HIVEP3: variants seen among roughly 807,000 people sequenced by gnomAD.
HIVEP3 encodes HIVEP zinc finger 3.
HIVEP3 carries 49 observed loss-of-function variants against 152.8 expected under a neutral mutation model. That is an observed-to-expected ratio of 0.32 (90% confidence interval 0.26 to 0.41). HIVEP3 has a LOEUF of 0.41. HIVEP3 is among the 10% of genes least tolerant of loss of function. The probability of loss-of-function intolerance (pLI) is 1.00; values close to 1 mark genes in which losing one functional copy is unlikely to be tolerated. For missense variants in HIVEP3, 2,790 were observed against 3,103.3 expected (o/e 0.90, Z 2.40); for synonymous variants, 1,269 against 1,289.0 (o/e 0.98, Z 0.33).
At chr1:41,946,987 T>C (rs887704365) in intron 1 of HIVEP3, among the ~76,000 whole-genome samples, 3 of 152,180 alleles carry the variant, frequency 2.0e-5, no homozygotes, top group Non-Finnish European at 2.9e-5. Flanking sequence ...CTAACCCTTA[T>C]ACTGTGCTTT....
intron 1 of HIVEP3, among the ~76,000 whole-genome samples, chr1:41,725,237 GGACATGCA>G (rs1646735272): frequency 6.6e-6 from 1 of 152,148 alleles, no homozygotes; most frequent in Non-Finnish European, 1.5e-5. Flanking sequence ...GAACGCTTCG[GGACATGCA>G]GACATGCAGC....
chr1:41,753,018 GAC>G (rs2124227589), intron 1 of HIVEP3, among the ~76,000 whole-genome samples: 1 of 152,322 alleles, frequency 6.6e-6, no homozygotes, highest in South Asian at 2.1e-4. Context: ...ACCACAGAAA[GAC>G]TGTCTCTGAG....
chr1:42,020,067 T>C (rs557756776), intron 1 of HIVEP3, among the ~76,000 whole-genome samples: 5 of 152,088 alleles, frequency 3.3e-5, no homozygotes, highest in Non-Finnish European at 7.4e-5. Flanking sequence ...TTGGTTATAA[T>C]GTATTATCTT....
intron 1 of HIVEP3, among the ~76,000 whole-genome samples, chr1:41,869,936 A>G (rs35183813): frequency 0.051 from 7,713 of 152,264 alleles, 246 homozygotes; most frequent in Middle Eastern, 0.12. Flanking sequence ...ATAAAAATAT[A>G]AATTATTAAG....
intron 1 of HIVEP3, among the ~76,000 whole-genome samples, chr1:41,981,811 G>C (rs1645295647): frequency 1.3e-5 from 2 of 152,202 alleles, no homozygotes; most frequent in African/African-American, 4.8e-5. Context: ...GGGAAAATGT[G>C]AAAGACAATA....
intron 1 of HIVEP3, among the ~76,000 whole-genome samples, chr1:41,763,518 AGCACC>A (rs2124250338): frequency 6.6e-6 from 1 of 152,332 alleles, no homozygotes; most frequent in East Asian, 1.9e-4. Flanking sequence ...CTACAGCCTA[AGCACC>A]GTTCATTCAC....
intron 2 of HIVEP3, among the ~76,000 whole-genome samples, chr1:41,660,471 T>C (rs1021764585): frequency 7.9e-5 from 12 of 152,250 alleles, no homozygotes; most frequent in Non-Finnish European, 1.6e-4. Context: ...TGGGGAGTCA[T>C]GTTGCGGTCC....
chr1:41,533,307 C>T lies in HIVEP3; in HGVS notation c.5208-8397G>A, dbSNP rs1165787794. ...CTCCTCCTGCGGTGCCAGAGCCCAC[C>T]CCACCCACTGTCCTCTCCCACAGCT... On this transcript the variant is annotated intron_variant, in intron 5 of 8. Transcript: ENST00000372583. The surrounding 1 kb of genome is among the most constrained non-coding windows in gnomAD (Gnocchi z 4.3). Among the ~76,000 whole-genome samples, 1 of 152,104 alleles carries T rather than the reference C, an allele frequency of 6.6e-6. No individual in the cohort carries two copies. The highest frequency in any genetic ancestry group is 2.4e-5 in the African/African-American group (1 of 41,410).
chr1:41,582,952 T>G lies in HIVEP3; in HGVS notation c.1846A>C (p.Lys616Gln). ...TTGGGTTCCACTTCGTCCGAGGGCTTGGAGGCTGTGTCTTTGCTGCTTGGG... is the reference window on the plus strand; with the variant it reads ...TTGGGTTCCACTTCGTCCGAGGGCTGGGAGGCTGTGTCTTTGCTGCTTGGG... ...PGPSSKDTAS[K>Q]PSDEVEPKES... The change falls in exon 4 of 9, where the codon AAG becomes CAG. Residue 616 changes from lysine to glutamine, a missense_variant. Coordinates refer to ENST00000372583, the MANE Select transcript of HIVEP3 (RefSeq NM_024503.5). The surrounding 1 kb of genome is among the most constrained non-coding windows in gnomAD (Gnocchi z 4.7). The G allele has an allele frequency of 6.2e-7, 1 of 1,614,114 alleles. No individual in the cohort carries two copies. The highest frequency in any genetic ancestry group is 8.5e-7 in the Non-Finnish European group (1 of 1,180,022).
intron 1 of HIVEP3, among the ~76,000 whole-genome samples, chr1:41,853,409 T>C (rs1643659598): frequency 6.6e-6 from 1 of 152,142 alleles, no homozygotes; most frequent in South Asian, 2.1e-4. Flanking sequence ...CAAGGCACCC[T>C]CTTCACAAGG....
chr1:41,995,529 G>C (rs1645391032), intron 1 of HIVEP3, among the ~76,000 whole-genome samples: 2 of 152,130 alleles, frequency 1.3e-5, no homozygotes, highest in Admixed American at 1.3e-4. Flanking sequence ...GAAGAAGAAA[G>C]GTGATCCCAG....
chr1:41,556,241 C>T (rs1461456063), intron 5 of HIVEP3, among the ~76,000 whole-genome samples: 1 of 152,190 alleles, frequency 6.6e-6, no homozygotes, highest in African/African-American at 2.4e-5. Context: ...TTCACGCTCC[C>T]ACCAGCAGCG....
intron 3 of HIVEP3, among the ~76,000 whole-genome samples, chr1:41,611,991 C>T (rs1369389640): frequency 6.6e-6 from 1 of 152,132 alleles, no homozygotes; most frequent in South Asian, 2.1e-4. Context: ...GCTTTTTCTA[C>T]AGGACCCAAC....
chr1:41,593,341 A>G (rs1305027332), intron 3 of HIVEP3, among the ~76,000 whole-genome samples: 1 of 151,964 alleles, frequency 6.6e-6, no homozygotes, highest in East Asian at 1.9e-4. Context: ...AAATCTATGT[A>G]TGGATATCTA....
intron 1 of HIVEP3, among the ~76,000 whole-genome samples, chr1:41,930,698 G>A (rs968109170): frequency 2.6e-5 from 4 of 152,052 alleles, no homozygotes; most frequent in African/African-American, 7.2e-5. Context: ...AAACTACTTC[G>A]CAAAGTGGTT....
chr1:41,822,703 T>C (rs1442433128), intron 1 of HIVEP3, among the ~76,000 whole-genome samples: 1 of 152,190 alleles, frequency 6.6e-6, no homozygotes, highest in Non-Finnish European at 1.5e-5. Context: ...TTTCTCAAGC[T>C]TTCCTATATT....
chr1:41,686,196 C>A (rs548422798), intron 2 of HIVEP3, among the ~76,000 whole-genome samples: 64 of 152,064 alleles, frequency 4.2e-4, no homozygotes, highest in Non-Finnish European at 8.5e-4. Context: ...CTCAGTCTCC[C>A]GAGTAGCTGG....
At position 41,518,408 on chromosome 1, in the gene HIVEP3, C is replaced by G. The variant is rs149032863; in HGVS notation, c.5464G>C (p.Glu1822Gln). ...ETGVLEELEA[E>Q]EGTSDDLFQD... is the part of the protein sequence containing the mutation. Reference sequence around the variant, plus strand: ...GAAGGTTGGCAATTGTTACCTTCTTCGGCTTCCAGCTCCTCCAGCACCCCT... The same window carrying G: ...GAAGGTTGGCAATTGTTACCTTCTTGGGCTTCCAGCTCCTCCAGCACCCCT... The change falls in exon 7 of 9, where the codon GAA becomes CAA. Residue 1822 changes from glutamate to glutamine, a missense_variant. Coordinates refer to ENST00000372583, the MANE Select transcript of HIVEP3 (RefSeq NM_024503.5). The G allele has an allele frequency of 6.2e-7, 1 of 1,613,998 alleles. No homozygotes were observed. The highest frequency in any genetic ancestry group is 1.7e-5 in the Admixed American group (1 of 60,022).
intron 1 of HIVEP3, among the ~76,000 whole-genome samples, chr1:41,843,311 C>T (rs984871616): frequency 3.3e-5 from 5 of 152,074 alleles, no homozygotes; most frequent in Admixed American, 6.5e-5. Context: ...GGACATCACA[C>T]GAAATGTAAG....
Sources: allele counts gnomAD v4.1 joint callset (sites outside exome capture counted in the v4.1 genomes callset), GRCh38; gene constraint gnomAD v4.1.1; non-coding constraint Gnocchi (gnomAD v3.1); transcripts MANE v1.5; gene names NCBI Gene and HGNC (gene_info 2026-07-23, HGNC 2026-07-21).